NPFFR2: variants seen among roughly 807,000 people sequenced by gnomAD.
NPFFR2 encodes G-protein coupled receptor 74.
NPFFR2 carries 15 observed loss-of-function variants against 13.1 expected under a neutral mutation model. That is an observed-to-expected ratio of 1.15 (90% CI 0.77 to 1.76). The LOEUF is 1.76. NPFFR2 is among the 40% of genes most tolerant of loss of function. NPFFR2 has a pLI of 0.00. For missense variants in NPFFR2, 572 were observed against 503.5 expected (o/e 1.14, Z -1.30); for synonymous variants, 190 against 175.7 (o/e 1.08, Z -0.65).
intron 1 of NPFFR2, among the ~76,000 whole-genome samples, chr4:72,094,191 A>T (rs1720989704): frequency 6.6e-6 from 1 of 152,184 alleles, no homozygotes; most frequent in African/African-American, 2.4e-5. Flanking sequence ...ATTTGTCTTC[A>T]GGTCTCTCAG....
intron 3 of NPFFR2, among the ~76,000 whole-genome samples, chr4:72,143,006 G>A (rs76952393): frequency 0.025 from 3,735 of 152,262 alleles, 161 homozygotes; most frequent in African/African-American, 0.086. Flanking sequence ...TACCTATTAG[G>A]ACAGGGAGTA....
chr4:72,064,323 C>A, intron 1 of NPFFR2, among the ~76,000 whole-genome samples: 1 of 152,288 alleles, frequency 6.6e-6, no homozygotes. Context: ...AGGGAGGATC[C>A]ACTTCCATGC....
At chr4:72,069,246 C>T (rs1720171842) in intron 1 of NPFFR2, among the ~76,000 whole-genome samples, 1 of 152,006 alleles carries the variant, frequency 6.6e-6, no homozygotes, top group South Asian at 2.1e-4. Flanking sequence ...CAAAAGAACA[C>T]TGGATTATGA....
In NPFFR2 at chr4:72,082,043, G is replaced by C. The variant is rs28472964; in HGVS notation, c.-7-46542G>C. Among the ~76,000 whole-genome samples the C allele has an allele frequency of 8.0e-3, 1,216 of 152,220 alleles. 8 individuals are homozygous for C. The highest frequency in any genetic ancestry group is 0.017 in the African/African-American group (704 of 41,542). ...ATGAGGGTTGGAGTAGCTTTAAGTA[G>C]ACCACATAAGTTTGATACTAGAGAC... is the stretch of plus-strand genomic sequence containing the variant. On this transcript the variant is annotated intron_variant, in intron 1 of 3. Coordinates refer to ENST00000308744, the MANE Select transcript of NPFFR2 (RefSeq NM_004885.3).
intron 1 of NPFFR2, among the ~76,000 whole-genome samples, chr4:72,082,086 A>C (rs1477923874): frequency 6.6e-6 from 1 of 152,220 alleles, no homozygotes; most frequent in Non-Finnish European, 1.5e-5. Flanking sequence ...TGCAGACTTA[A>C]CTGGCAAGAG....
rs138737285 is a variant in NPFFR2 at position 72,084,155 on chromosome 4, C to T, written c.-7-44430C>T. ...AACCATTCTATATAACAATCAGAAA[C>T]ATCTTTTAAAAATGTAAAGCAGGTA... On this transcript the variant is annotated intron_variant, in intron 1 of 3. Coordinates refer to ENST00000308744, the MANE Select transcript of NPFFR2 (RefSeq NM_004885.3). 1.3e-3 allele frequency among the ~76,000 whole-genome samples: 201 copies of T among 152,268 alleles called. 1 individual carries two copies. The highest frequency in any genetic ancestry group is 4.3e-3 in the African/African-American group (179 of 41,570).
At chr4:72,117,036 A>G (rs1721733569) in intron 1 of NPFFR2, among the ~76,000 whole-genome samples, 1 of 152,136 alleles carries the variant, frequency 6.6e-6, no homozygotes, top group African/African-American at 2.4e-5. Context: ...CAAGAAAAAC[A>G]TCTCCAGGAA....
chr4:72,037,604 C>G (rs372698928), intron 1 of NPFFR2, among the ~76,000 whole-genome samples: 1 of 152,112 alleles, frequency 6.6e-6, no homozygotes, highest in Admixed American at 6.5e-5. Flanking sequence ...TCTTGTGTTT[C>G]CCTTTCTACT....
intron 1 of NPFFR2, among the ~76,000 whole-genome samples, chr4:72,045,209 T>C (rs921732197): frequency 3.9e-5 from 6 of 152,164 alleles, no homozygotes; most frequent in Non-Finnish European, 8.8e-5. Context: ...GTATCTGATA[T>C]ACTGATTTTG....
In NPFFR2 at chr4:72,147,752, A is replaced by C; in HGVS notation, c.1203A>C (p.Lys401Asn). The change falls in exon 4 of 4, where the codon AAA (lysine) becomes AAC (asparagine). Residue 401 changes from lysine (K) to asparagine (N), a missense_variant. By Grantham distance (94) the Lys-to-Asn change is moderately conservative. Coordinates refer to ENST00000308744, the MANE Select transcript of NPFFR2 (RefSeq NM_004885.3). ...TGCTTTATAGGAAAAGTGCTGAAAA[A>C]CCCCAACAGGAATTAGTGATGGAAG... is the stretch of plus-strand genomic sequence containing the variant. ...ETLLYRKSAE[K>N]PQQELVMEEL... 6.3e-7 allele frequency: 1 copy of C among 1,597,302 alleles called. No homozygotes were observed. The highest frequency in any genetic ancestry group is 8.5e-7 in the Non-Finnish European group (1 of 1,176,048).
chr4:72,038,905 C>CTTTTTTTTTTTTTTTTTTTTTTTTT (rs1158358179), intron 1 of NPFFR2, among the ~76,000 whole-genome samples: 1 of 84,738 alleles, frequency 1.2e-5, no homozygotes, highest in Non-Finnish European at 2.1e-5. Flanking sequence ...AATTTCCTTT[C>CTTTTTTTTTTTTTTTTTTTTTTTTT]TTTTTTTTTT....
intron 1 of NPFFR2, among the ~76,000 whole-genome samples, chr4:72,039,580 A>G (rs375922911): frequency 2.8e-4 from 42 of 152,300 alleles, no homozygotes; most frequent in African/African-American, 9.1e-4. Flanking sequence ...GTTGATTGTT[A>G]TGGATAAAAT....
intron 1 of NPFFR2, among the ~76,000 whole-genome samples, chr4:72,104,786 A>T (rs114026689): frequency 0.013 from 2,017 of 152,152 alleles, 56 homozygotes; most frequent in African/African-American, 0.046. Context: ...TTAATATCAA[A>T]GGAATATTTA....
At chr4:72,133,568 A>G (rs897650041) in intron 2 of NPFFR2, among the ~76,000 whole-genome samples, 1 of 152,180 alleles carries the variant, frequency 6.6e-6, no homozygotes, top group Non-Finnish European at 1.5e-5. Context: ...TTTAATAGGG[A>G]TAGCATGGAA....
intron 3 of NPFFR2, among the ~76,000 whole-genome samples, chr4:72,140,074 A>G (rs1028023898): frequency 2.0e-5 from 3 of 152,134 alleles, no homozygotes; most frequent in Non-Finnish European, 2.9e-5. Context: ...TTATTGGTGT[A>G]TAGGAATGCT....
rs1560426837 is a variant in NPFFR2, at chr4:72,147,718, GGGAAACCTTGCTTTATA to G, written c.1175_1191del (p.Thr392LysfsTer3). On this transcript the variant is annotated frameshift_variant, in exon 4 of 4. Coordinates refer to ENST00000308744, the MANE Select transcript of NPFFR2 (RefSeq NM_004885.3). LOFTEE classifies it low-confidence loss of function (END_TRUNC). ...GAATCTACATTTCAAAACCCTCATG[GGGAAACCTTGCTTTATA>G]GGAAAAGTGCTGAAAAACCCCAACA... 1 of 1,612,594 alleles carries G rather than the reference GGGAAACCTTGCTTTATA, an allele frequency of 6.2e-7. No homozygotes were observed. Among genetic ancestry groups the G allele is most frequent in the Middle Eastern group, 1.7e-4 (1 of 6,048 alleles).
intron 1 of NPFFR2, among the ~76,000 whole-genome samples, chr4:72,085,601 A>C (rs1201725562): frequency 1.3e-5 from 2 of 152,276 alleles, no homozygotes; most frequent in East Asian, 3.9e-4. Context: ...TCTACCATTA[A>C]ATTGTTTCAC....
intron 3 of NPFFR2, among the ~76,000 whole-genome samples, chr4:72,140,112 C>A (rs559711026): frequency 7.2e-5 from 11 of 152,206 alleles, no homozygotes; most frequent in African/African-American, 2.4e-4. Context: ...GATTTTGTAT[C>A]CTGAGACTTT....
Position 72,119,660 on chromosome 4 carries a change from C to G in NPFFR2, c.-7-8925C>G, listed in dbSNP as rs554426500. On this transcript the variant is annotated intron_variant, in intron 1 of 3. Coordinates refer to ENST00000308744, the MANE Select transcript of NPFFR2 (RefSeq NM_004885.3). ...GAAGCAGGGTGGGGCATCACCCCAC[C>G]AGGGAAGTGCAAGGGGTTTGGGAAA... Among the ~76,000 whole-genome samples the G allele has an allele frequency of 7.2e-5, 11 of 152,224 alleles. No homozygotes were observed. The South Asian group carries it at 2.1e-3, about 29-fold the overall frequency.
Sources: gnomAD v4.1 joint callset for allele counts (sites outside exome capture counted in the v4.1 genomes callset) on GRCh38, gnomAD v4.1.1 for gene constraint, MANE v1.5 for transcripts, NCBI Gene and HGNC (gene_info 2026-07-23, HGNC 2026-07-21) for gene names.